The following IL1RAPL2 variants were observed in gnomAD, a reference collection of about 807,000 sequenced individuals.
IL1RAPL2 encodes X-linked interleukin-1 receptor accessory protein-like 2.
In IL1RAPL2, 3 loss-of-function variants were observed where a neutral mutation model predicts 44.1. The ratio of observed to expected loss-of-function variants is 0.07; its 90% CI spans 0.03 to 0.18. The LOEUF is 0.18. IL1RAPL2 is among the 10% of genes least tolerant of loss of function. The pLI, the probability that IL1RAPL2 is intolerant of heterozygous loss-of-function variation, is 1.00. For missense variants in IL1RAPL2, 391 were observed against 496.4 expected, an observed-to-expected ratio of 0.79 and a Z score of 2.02; for synonymous variants, 181 against 178.8, an observed-to-expected ratio of 1.01 and a Z score of -0.10.
intron 6 of IL1RAPL2, among the ~76,000 whole-genome samples, chrX:105,637,978 G>A (rs747422287): frequency 9.7e-4 from 108 of 111,751 alleles, no homozygotes; most frequent in Non-Finnish European, 1.9e-3. Context: ...AGCCTCTGAC[G>A]AAAATCTGAA....
chrX:104,902,852 T>C (rs766563237), intron 2 of IL1RAPL2, among the ~76,000 whole-genome samples: 11 of 111,515 alleles, frequency 9.9e-5, no homozygotes, highest in Non-Finnish European at 1.7e-4. Context: ...GCATTAGGCA[T>C]GTAAAAAATA....
At chrX:104,650,528 CA>C (rs769145378) in intron 1 of IL1RAPL2, among the ~76,000 whole-genome samples, 2 of 111,094 alleles carry the variant, frequency 1.8e-5, no homozygotes, top group Non-Finnish European at 3.8e-5. Flanking sequence ...TGTAGATGAA[CA>C]CTGCTACTAG....
intron 1 of IL1RAPL2, among the ~76,000 whole-genome samples, chrX:104,620,358 G>A: frequency 9.2e-6 from 1 of 108,890 alleles, no homozygotes; most frequent in Admixed American, 9.8e-5. Flanking sequence ...AAGAGATGGT[G>A]GCTGGGCGTG....
intron 5 of IL1RAPL2, among the ~76,000 whole-genome samples, chrX:105,292,983 G>A (rs1364149009): frequency 2.8e-5 from 3 of 109,049 alleles, no homozygotes; most frequent in Non-Finnish European, 5.7e-5. Flanking sequence ...ATTGTGGCAG[G>A]CGCCTGTAGT....
chrX:104,919,694 CT>C (rs56245942), intron 2 of IL1RAPL2, among the ~76,000 whole-genome samples: 1,160 of 92,108 alleles, frequency 0.013, 17 homozygotes, highest in African/African-American at 0.035. Context: ...ACCACACCCA[CT>C]TTTTTTTTTT....
At chrX:105,665,831 C>T (rs1461008953) in intron 6 of IL1RAPL2, among the ~76,000 whole-genome samples, 1 of 104,684 alleles carries the variant, frequency 9.6e-6, no homozygotes, top group African/African-American at 3.6e-5. Flanking sequence ...GGTGCGATCT[C>T]GGCTCACTGC....
chrX:105,230,710 A>G, intron 3 of IL1RAPL2, among the ~76,000 whole-genome samples: 1 of 110,845 alleles, frequency 9.0e-6, no homozygotes, highest in South Asian at 3.8e-4. Flanking sequence ...TCATAGTTTT[A>G]TAATGAAAGG....
intron 6 of IL1RAPL2, among the ~76,000 whole-genome samples, chrX:105,623,805 C>A (rs1425979745): frequency 9.0e-6 from 1 of 111,707 alleles, no homozygotes; most frequent in Non-Finnish European, 1.9e-5. Flanking sequence ...CATGACCAAA[C>A]AGATATAGCT....
At chrX:105,112,845 G>A (rs1323067152) in intron 2 of IL1RAPL2, among the ~76,000 whole-genome samples, 1 of 112,534 alleles carries the variant, frequency 8.9e-6, no homozygotes, top group East Asian at 2.8e-4. Context: ...GTGCCCTTAA[G>A]GGCAGCAAGT....
chrX:105,312,662 CT>C (rs896197462), intron 5 of IL1RAPL2, among the ~76,000 whole-genome samples: 8 of 111,217 alleles, frequency 7.2e-5, no homozygotes, highest in Non-Finnish European at 1.1e-4. Context: ...TACTGTCATA[CT>C]TTTATATACA....
intron 5 of IL1RAPL2, among the ~76,000 whole-genome samples, chrX:105,470,979 T>G (rs1001600803): frequency 3.6e-5 from 4 of 111,560 alleles, no homozygotes; most frequent in Non-Finnish European, 5.7e-5. Context: ...CGAAAGTTAT[T>G]GTGAAATTAC....
chrX:105,622,651 TA>T (rs1393238584), intron 6 of IL1RAPL2, among the ~76,000 whole-genome samples: 1 of 111,643 alleles, frequency 9.0e-6, no homozygotes, highest in African/African-American at 3.2e-5. Flanking sequence ...ACCTCATTCT[TA>T]AAAAGCAGAC....
chrX:105,682,067 A>G (rs2037930927), intron 6 of IL1RAPL2, among the ~76,000 whole-genome samples: 1 of 112,225 alleles, frequency 8.9e-6, no homozygotes, highest in African/African-American at 3.2e-5. Context: ...TGCAGCTGAC[A>G]ATAAAATTTG....
chrX:104,880,136 G>A (rs748224013), intron 2 of IL1RAPL2, among the ~76,000 whole-genome samples: 8 of 110,803 alleles, frequency 7.2e-5, no homozygotes, highest in Admixed American at 9.7e-5. Context: ...TCACAATTAC[G>A]CTAGTCATCT....
At chrX:104,906,843 C>T (rs1055225349) in intron 2 of IL1RAPL2, among the ~76,000 whole-genome samples, 3 of 111,903 alleles carry the variant, frequency 2.7e-5, no homozygotes, top group African/African-American at 9.8e-5. Flanking sequence ...GGAGGATTCC[C>T]TCTTTTTCTA....
intron 6 of IL1RAPL2, among the ~76,000 whole-genome samples, chrX:105,686,641 A>ACTGT (rs2037979691): frequency 9.0e-6 from 1 of 111,101 alleles, no homozygotes; most frequent in African/African-American, 3.3e-5. Context: ...TTAACACCCC[A>ACTGT]CTGTCTGTAT....
At chrX:105,141,169 A>G (rs2033123003) in intron 2 of IL1RAPL2, among the ~76,000 whole-genome samples, 1 of 111,513 alleles carries the variant, frequency 9.0e-6, no homozygotes, top group Admixed American at 9.6e-5. Context: ...CCAGAGTTCA[A>G]TCTAAGCTGC....
At chrX:104,978,152 C>T (rs1195546647) in intron 2 of IL1RAPL2, among the ~76,000 whole-genome samples, 1 of 111,933 alleles carries the variant, frequency 8.9e-6, no homozygotes, top group Non-Finnish European at 1.9e-5. Flanking sequence ...TCCATTTCTA[C>T]AATGTTTAAG....
intron 2 of IL1RAPL2, among the ~76,000 whole-genome samples, chrX:104,664,862 A>G (rs1334458029): frequency 9.0e-6 from 1 of 111,228 alleles, no homozygotes; most frequent in Non-Finnish European, 1.9e-5. Flanking sequence ...ATCAACATCA[A>G]TATATTTACT....
Sources: gnomAD v4.1 joint callset for allele counts (sites outside exome capture counted in the v4.1 genomes callset) on GRCh38, gnomAD v4.1.1 for gene constraint, MANE v1.5 for transcripts, NCBI Gene and HGNC (gene_info 2026-07-23, HGNC 2026-07-21) for gene names.